Variants in CRYGS observed in about 807,000 individuals in gnomAD.
CRYGS encodes the protein crystallin gamma S, also known as gamma-crystallin S.
In CRYGS, 13 loss-of-function variants were observed where a neutral mutation model predicts 21.3. The ratio of observed to expected loss-of-function variants is 0.61; its 90% CI spans 0.40 to 0.97. The LOEUF is 0.97. CRYGS is among the 50% of genes least tolerant of loss of function. CRYGS has a pLI of 0.00. For synonymous variants in CRYGS, 67 were observed against 75.0 expected (o/e 0.89, Z 0.55); for missense variants, 205 against 229.7 (o/e 0.89, Z 0.69).
intron 1 of CRYGS, chr3:186,540,430 C>CT (rs1714037639): frequency 6.6e-6 from 1 of 152,196 alleles, no homozygotes; most frequent in Admixed American, 6.5e-5. Flanking sequence ...GAAGTTCTGG[C>CT]TTTAAAACAA....
chr3:186,539,141 T>C (rs1381486727), intron 2 of CRYGS, among the ~76,000 whole-genome samples, 173 bp from the exon 3 acceptor site: 2 of 152,090 alleles, frequency 1.3e-5, no homozygotes, highest in African/African-American at 4.8e-5. Context: ...AAAAATTAAT[T>C]CTTCAAAACA....
Position 186,539,528 on chromosome 3 carries a change from G to T in CRYGS, c.91C>A (p.His31Asn). The change falls in exon 2 of 3, where the codon CAC becomes AAC. Residue 31 changes from histidine (H) to asparagine (N), a missense_variant. By Grantham distance (68) the His-to-Asn change is moderately conservative. Transcript: ENST00000307944. ...YDCDCDCADFHTYLSRCNSIK... is the reference protein window; with the variant it reads ...YDCDCDCADFNTYLSRCNSIK... ...GAGTTGCAGCGACTTAGGTATGTGTGGAAATCTGCACAGTCGCAATCACAG... is the reference window on the plus strand; with the variant it reads ...GAGTTGCAGCGACTTAGGTATGTGTTGAAATCTGCACAGTCGCAATCACAG... The T allele has an allele frequency of 1.2e-6, 2 of 1,613,984 alleles. No homozygotes were observed.
In CRYGS at chr3:186,538,580, G is replaced by C; in HGVS notation, c.*116C>G. 7.5e-7 allele frequency: 1 copy of C among 1,340,718 alleles called. No individual in the cohort carries two copies. Among genetic ancestry groups the C allele is most frequent in the South Asian group, 1.2e-5 (1 of 81,634 alleles). 83.1% of individuals were successfully genotyped at this position (1,340,718 alleles called of 1,614,324 possible). A position where few individuals can be genotyped will look rare whatever the true frequency, so the allele number is the denominator to read the frequency against. ...GCTGGTCCCTAGAAGCATTTAAGGAGAGGCATTATAGTCAGCAGTGGGATG... is the reference window on the plus strand; with the variant it reads ...GCTGGTCCCTAGAAGCATTTAAGGACAGGCATTATAGTCAGCAGTGGGATG... On this transcript the variant is annotated 3_prime_UTR_variant, in exon 3 of 3. Coordinates refer to ENST00000307944, the MANE Select transcript of CRYGS (RefSeq NM_017541.4).
intron 1 of CRYGS, among the ~76,000 whole-genome samples, chr3:186,543,625 T>C (rs1188054470): frequency 6.6e-6 from 1 of 152,174 alleles, no homozygotes; most frequent in Non-Finnish European, 1.5e-5. Flanking sequence ...GAGGATTCAA[T>C]GGGTTTGAAA....
chr3:186,539,049 C>T, intron 2 of CRYGS, 81 bp from the exon 3 acceptor site: 1 of 1,483,950 alleles, frequency 6.7e-7, no homozygotes, highest in Admixed American at 1.8e-5. Context: ...CAGTATTGCT[C>T]AGAACTTATC....
At chr3:186,540,955 C>T (rs905834587) in intron 1 of CRYGS, among the ~76,000 whole-genome samples, 1 of 152,098 alleles carries the variant, frequency 6.6e-6, no homozygotes, top group Non-Finnish European at 1.5e-5. Flanking sequence ...AAAATAAAGC[C>T]AGAAAAATGA....
chr3:186,540,602 A>G (rs1290223816), intron 1 of CRYGS: 1 of 160,528 alleles, frequency 6.2e-6, no homozygotes, highest in Non-Finnish European at 1.3e-5. Flanking sequence ...TTTTTTTTTT[A>G]AGATGGAATT....
intron 1 of CRYGS, chr3:186,540,589 CTTTTT>C (rs199798383): frequency 3.9e-5 from 6 of 152,198 alleles, no homozygotes; most frequent in African/African-American, 9.9e-5. Context: ...ATCTTTTCAT[CTTTTT>C]TTTTTTTAAG....
chr3:186,540,207 A>G lies in CRYGS; in HGVS notation c.22-610T>C, dbSNP rs3774802. The G allele has an allele frequency of 5.1e-3, 784 of 153,482 alleles. 30 individuals are homozygous for G. The East Asian group carries it at 0.12, about 23-fold the overall frequency. The allele number at this position is 153,482 out of a possible 1,614,324, so 9.5% of individuals were successfully genotyped here. A position where few individuals can be genotyped will look rare whatever the true frequency, so the allele number is the denominator to read the frequency against. The stretch of plus-strand genomic sequence containing the variant: ...CCAACAGAGTAGTTGCAAAGTAACA[A>G]AATGATAAGAATCCTCTTTGCCTCC... On this transcript the variant is annotated intron_variant, in intron 1 of 2. Transcript: ENST00000307944.
Position 186,538,728 on chromosome 3 carries a change from C to G in CRYGS, c.505G>C (p.Ala169Pro). ...ACAATGCGGCGGAAAGACTGGACAG[C>G]TGGGGAGGCTGCACCCCAATCGATG... ...KPIDWGAASP[A>P]VQSFRRIVE The change falls in exon 3 of 3, where the codon GCT becomes CCT. Residue 169 changes from alanine to proline, a missense_variant. Ala to Pro is a conservative substitution (Grantham distance 27). Coordinates refer to ENST00000307944, the MANE Select transcript of CRYGS (RefSeq NM_017541.4). 1 of 1,614,214 alleles carries G rather than the reference C, an allele frequency of 6.2e-7. No homozygotes were observed. Among genetic ancestry groups the G allele is most frequent in the Non-Finnish European group, 8.5e-7 (1 of 1,180,042 alleles).
At chr3:186,542,287 G>C (rs1040811837) in intron 1 of CRYGS, among the ~76,000 whole-genome samples, 2 of 152,180 alleles carry the variant, frequency 1.3e-5, no homozygotes, top group Admixed American at 6.5e-5. Context: ...TCTCCTTTCA[G>C]TGGGAGACCT....
intron 1 of CRYGS, among the ~76,000 whole-genome samples, chr3:186,543,289 A>G (rs1184086357): frequency 6.6e-6 from 1 of 152,158 alleles, no homozygotes; most frequent in Non-Finnish European, 1.5e-5. Flanking sequence ...TGGATCCTGT[A>G]TTAGGGGAAA....
intron 1 of CRYGS, 83 bp from the exon 2 acceptor site, chr3:186,539,680 T>C: frequency 3.2e-6 from 5 of 1,541,240 alleles, no homozygotes; most frequent in Non-Finnish European, 4.5e-6. Flanking sequence ...TAATGCCTAC[T>C]TTAGAAATTC....
chr3:186,540,906 T>C (rs1714049813), intron 1 of CRYGS: 1 of 153,422 alleles, frequency 6.5e-6, no homozygotes, highest in South Asian at 2.1e-4. Context: ...AAGTAGTTCA[T>C]TAAGTCCAGT....
intron 1 of CRYGS, chr3:186,540,772 T>G: frequency 1.1e-6 from 1 of 951,620 alleles, no homozygotes; most frequent in Non-Finnish European, 1.3e-6. Context: ...AGCCGGATAC[T>G]GTCTTGAGAG....
rs764793775 is a variant in CRYGS, at chr3:186,539,512, C to T, written c.107G>A (p.Arg36His). The T allele has an allele frequency of 3.7e-5, 59 of 1,613,774 alleles. No homozygotes were observed. Among genetic ancestry groups the T allele is most frequent in the Non-Finnish European group, 4.9e-5 (58 of 1,180,022 alleles). Reference sequence around the variant, plus strand: ...TCCTTCCACTTTAATGGAGTTGCAGCGACTTAGGTATGTGTGGAAATCTGC... The same window carrying T: ...TCCTTCCACTTTAATGGAGTTGCAGTGACTTAGGTATGTGTGGAAATCTGC... Reference protein sequence around the residue: ...DCADFHTYLSRCNSIKVEGGT... With the variant: ...DCADFHTYLSHCNSIKVEGGT... Residue 36 changes from arginine (R) to histidine (H), a missense_variant, in exon 2 of 3, where the codon CGC (arginine) becomes CAC (histidine). By Grantham distance (29) the Arg-to-His change is conservative (BLOSUM62 0). Coordinates refer to ENST00000307944, the MANE Select transcript of CRYGS (RefSeq NM_017541.4).
Position 186,538,527 on chromosome 3 carries a change from G to T in CRYGS, c.*169C>A. 3 of 762,314 alleles carry T rather than the reference G, an allele frequency of 3.9e-6. No homozygotes were observed. Among genetic ancestry groups the T allele is most frequent in the Non-Finnish European group, 6.4e-6 (3 of 469,384 alleles). The allele number at this position is 762,314 out of a possible 1,614,324, so 47.2% of individuals were successfully genotyped here. On this transcript the variant is annotated 3_prime_UTR_variant, in exon 3 of 3. Coordinates refer to ENST00000307944, the MANE Select transcript of CRYGS (RefSeq NM_017541.4). ...ATCTGGCAGATGGGTAGCTTTGTGTGACTGCCCACTGTGGCGAGCACTGTA... is the reference window on the plus strand; with the variant it reads ...ATCTGGCAGATGGGTAGCTTTGTGTTACTGCCCACTGTGGCGAGCACTGTA...
chr3:186,542,940 T>A (rs1457154157), intron 1 of CRYGS, among the ~76,000 whole-genome samples: 2 of 151,944 alleles, frequency 1.3e-5, no homozygotes, highest in African/African-American at 4.8e-5. Context: ...ACCTCCTGAA[T>A]GACAAGCATG....
intron 1 of CRYGS, chr3:186,540,693 T>C (rs1397258322): frequency 6.5e-6 from 6 of 923,710 alleles, no homozygotes; most frequent in Middle Eastern, 5.5e-4. Context: ...TGCCGCCACC[T>C]TGTGGCTGAT....
Sources: allele counts gnomAD v4.1 joint callset (sites outside exome capture counted in the v4.1 genomes callset), GRCh38; gene constraint gnomAD v4.1.1; transcripts MANE v1.5; gene names NCBI Gene and HGNC (gene_info 2026-07-23, HGNC 2026-07-21).